LARGE1: variants seen among roughly 807,000 people sequenced by gnomAD.
LARGE1 encodes the protein xylosyl- and glucuronyltransferase LARGE1.
A neutral mutation model predicts 87.6 loss-of-function variants in LARGE1; 43 were observed. The ratio of observed to expected loss-of-function variants is 0.49; its 90% confidence interval spans 0.38 to 0.63. The LOEUF is 0.63. Ranked by LOEUF, LARGE1 falls within the 30% of genes least tolerant of loss-of-function variation. LARGE1 has a pLI of 0.00. For missense variants in LARGE1, 802 were observed against 1,000.2 expected (o/e 0.80, Z 2.67); for synonymous variants, 434 against 394.6 (o/e 1.10, Z -1.18).
chr22:33,224,084 G>C (rs1235281226), intron 11 of LARGE1, among the ~76,000 whole-genome samples: 8 of 152,116 alleles, frequency 5.3e-5, no homozygotes, highest in Non-Finnish European at 1.2e-4. Context: ...AGGAGATCGA[G>C]ACCATCCTAG....
At chr22:33,109,278 T>C in the LARGE1 span, 1 of 151,784 alleles carries the variant, frequency 6.6e-6, no homozygotes, top group Non-Finnish European at 1.5e-5. Context: ...ACTTTTGACA[T>C]GCTTAACTCT....
intron 6 of LARGE1, among the ~76,000 whole-genome samples, chr22:33,501,087 G>A (rs1178095738): frequency 6.6e-6 from 1 of 152,178 alleles, no homozygotes; most frequent in Non-Finnish European, 1.5e-5. Context: ...ACGGAGGGTG[G>A]AGGGTGACAC....
intron 6 of LARGE1, among the ~76,000 whole-genome samples, chr22:33,502,620 G>C (rs1003306336): frequency 1.2e-4 from 19 of 152,114 alleles, no homozygotes; most frequent in Admixed American, 1.0e-3. Context: ...CCAGGCTGGA[G>C]TGCAGTGGCG....
At chr22:33,513,349 A>G (rs984753547) in intron 6 of LARGE1, among the ~76,000 whole-genome samples, 1 of 152,210 alleles carries the variant, frequency 6.6e-6, no homozygotes, top group Non-Finnish European at 1.5e-5. Context: ...GCCCAAGTCT[A>G]AACTTTGGCT....
intron 11 of LARGE1, among the ~76,000 whole-genome samples, chr22:33,311,937 T>C (rs190668237): frequency 1.4e-4 from 22 of 152,226 alleles, no homozygotes; most frequent in Admixed American, 1.1e-3. Context: ...CAGCTGAGGA[T>C]TGAATGAGTT....
intron 6 of LARGE1, among the ~76,000 whole-genome samples, chr22:33,539,871 C>T (rs995577280): frequency 1.7e-4 from 26 of 152,018 alleles, no homozygotes; most frequent in African/African-American, 5.8e-4. Context: ...TGAGCCACTG[C>T]ACCCGGCCCT....
At chr22:33,738,038 G>T (rs2083721849) in intron 2 of LARGE1, among the ~76,000 whole-genome samples, 2 of 152,176 alleles carry the variant, frequency 1.3e-5, no homozygotes, top group Admixed American at 1.3e-4. Context: ...TTCAGTGTGA[G>T]GGTATGATCT....
At chr22:33,214,624 C>A (rs968376159) in intron 11 of LARGE1, among the ~76,000 whole-genome samples, 3 of 152,094 alleles carry the variant, frequency 2.0e-5, no homozygotes, top group Non-Finnish European at 4.4e-5. Context: ...CCAGCACACT[C>A]TTCTATCTGC....
intron 1 of LARGE1, among the ~76,000 whole-genome samples, chr22:33,831,575 GC>G (rs1263786582): frequency 3.9e-5 from 6 of 152,106 alleles, no homozygotes; most frequent in Non-Finnish European, 8.8e-5. Context: ...GCACTCTCAA[GC>G]CACTCACAGT....
intron 2 of LARGE1, among the ~76,000 whole-genome samples, chr22:33,725,281 T>C (rs2083235944): frequency 6.6e-6 from 1 of 152,116 alleles, no homozygotes; most frequent in East Asian, 1.9e-4. Context: ...CAGGATGTGG[T>C]CTGGGAGGCA....
chr22:33,473,810 T>C (rs2068960373), intron 6 of LARGE1, among the ~76,000 whole-genome samples: 2 of 152,080 alleles, frequency 1.3e-5, no homozygotes, highest in Admixed American at 6.5e-5. Flanking sequence ...AAATATTAAA[T>C]GAATGGGAGA....
chr22:33,238,804 C>T (rs1019929978), intron 11 of LARGE1, among the ~76,000 whole-genome samples: 55 of 152,088 alleles, frequency 3.6e-4, no homozygotes, highest in African/African-American at 1.3e-3. Context: ...ATACAGAACC[C>T]TTTGTGACAT....
At chr22:33,142,884 T>A in the LARGE1 span, among the ~76,000 whole-genome samples, 1 of 152,086 alleles carries the variant, frequency 6.6e-6, no homozygotes, top group Non-Finnish European at 1.5e-5. Context: ...AGGATTATTA[T>A]AGCAAAGCAG....
At chr22:33,807,899 C>T (rs2086365634) in intron 1 of LARGE1, among the ~76,000 whole-genome samples, 1 of 152,178 alleles carries the variant, frequency 6.6e-6, no homozygotes, top group African/African-American at 2.4e-5. Flanking sequence ...TTTATCCATT[C>T]ACCTACTTAA....
At chr22:33,416,177 A>T (rs2066478127) in intron 7 of LARGE1, among the ~76,000 whole-genome samples, 1 of 152,216 alleles carries the variant, frequency 6.6e-6, no homozygotes. Flanking sequence ...TCAGCTAGTC[A>T]AGGGTGAGAC....
chr22:33,308,985 T>C (rs1935248620), intron 11 of LARGE1, among the ~76,000 whole-genome samples: 2 of 152,202 alleles, frequency 1.3e-5, no homozygotes, highest in South Asian at 4.1e-4. Context: ...CTCTCAAACA[T>C]GTCTTCACCT....
chr22:33,603,020 C>T (rs373283399), intron 5 of LARGE1, among the ~76,000 whole-genome samples: 2 of 152,182 alleles, frequency 1.3e-5, no homozygotes, highest in Admixed American at 6.5e-5. Context: ...CCTTAATTAG[C>T]GCAGCAATTT....
chr22:33,729,785 T>A (rs1438228466), intron 2 of LARGE1, among the ~76,000 whole-genome samples: 1 of 152,228 alleles, frequency 6.6e-6, no homozygotes, highest in Non-Finnish European at 1.5e-5. Flanking sequence ...AAGATCTTTA[T>A]CTCTGCTTCC....
At chr22:33,609,557 G>A (rs1602696710) in intron 4 of LARGE1, among the ~76,000 whole-genome samples, 1 of 152,188 alleles carries the variant, frequency 6.6e-6, no homozygotes, top group African/African-American at 2.4e-5. Flanking sequence ...GCAGGGAAGT[G>A]CAGTTGACCG....
Sources: allele counts gnomAD v4.1 joint callset (sites outside exome capture counted in the v4.1 genomes callset), GRCh38; gene constraint gnomAD v4.1.1; transcripts MANE v1.5; gene names NCBI Gene and HGNC (gene_info 2026-07-23, HGNC 2026-07-21).